LGR4: variants seen among roughly 807,000 people sequenced by gnomAD.
LGR4 encodes leucine-rich repeat-containing G protein-coupled receptor 4.
Under a neutral mutation model 84.8 loss-of-function variants are expected in LGR4, and 44 were observed. The observed-to-expected ratio is 0.52, with a 90% CI of 0.41 to 0.67. The LOEUF is 0.67. LGR4 is among the 30% of genes least tolerant of loss of function. LGR4 has a pLI of 0.00. For synonymous variants in LGR4, 429 were observed against 434.3 expected (o/e 0.99, Z 0.15); for missense variants, 1,032 against 1,131.4 (o/e 0.91, Z 1.26).
At position 27,383,330 on chromosome 11, in the gene LGR4, G is replaced by T. The variant is rs2448007; in HGVS notation, c.689+1006C>A. Among the ~76,000 whole-genome samples the T allele has an allele frequency of 2.0e-5, 3 of 151,968 alleles. No homozygotes were observed. The South Asian group carries it at 6.2e-4, about 31-fold the overall frequency. On this transcript the variant is annotated intron_variant, in intron 6 of 17. Transcript: ENST00000379214. ...CTTTTTGTAACAGAGAAGAAACAAT[G>T]GCAAATAAAAATTTAACTGGGAAGA...
At chr11:27,459,697 G>A (rs1259945312) in intron 1 of LGR4, among the ~76,000 whole-genome samples, 3 of 151,528 alleles carry the variant, frequency 2.0e-5, no homozygotes, top group Admixed American at 1.3e-4. Context: ...GGCTGGTCTC[G>A]AACTCCTGAC....
Position 27,391,074 on chromosome 11 carries a change from G to A in LGR4, c.401+20C>T, listed in dbSNP as rs768653889. On this transcript the variant is annotated intron_variant, in intron 4 of 17. Transcript: ENST00000379214. ...CCAGAGTAGTCTCTTGGTGAGTCAAGAAACCAAGAAGTTACTTACAAAGAC... is the reference window on the plus strand; with the variant it reads ...CCAGAGTAGTCTCTTGGTGAGTCAAAAAACCAAGAAGTTACTTACAAAGAC... 1.5e-5 allele frequency: 23 copies of A among 1,511,296 alleles called. No individual in the cohort carries two copies. In the South Asian group the frequency reaches 2.5e-4, roughly 16 times the overall value. 93.6% of individuals were successfully genotyped at this position (1,511,296 alleles called of 1,614,324 possible). A position where few individuals can be genotyped will look rare whatever the true frequency, so the allele number is the denominator to read the frequency against.
intron 16 of LGR4, 140 bp from the exon 17 acceptor site, chr11:27,371,838 T>C: frequency 6.3e-6 from 4 of 632,496 alleles, no homozygotes; most frequent in Non-Finnish European, 1.1e-5. Context: ...GCTGGTAGCA[T>C]AGTGAATGCC....
intron 2 of LGR4, among the ~76,000 whole-genome samples, chr11:27,410,182 A>G (rs12808206): frequency 6.6e-6 from 1 of 152,142 alleles, no homozygotes; most frequent in Non-Finnish European, 1.5e-5. Flanking sequence ...ACAACTCTAG[A>G]GGGTCTGTCA....
chr11:27,392,447 A>G lies in LGR4; in HGVS notation c.329T>C (p.Leu110Pro). Residue 110 changes from leucine (L) to proline (P), a missense_variant and splice_region_variant, in exon 3 of 18, where the codon CTA becomes CCA. Coordinates refer to ENST00000379214, the MANE Select transcript of LGR4 (RefSeq NM_018490.5). The part of the protein sequence containing the change: ...ALSGLKELKV[L>P]TLQNNQLKTV... ...GAAACTCTAAAATTGCATTACTTAC[A>G]GAACTTTGAGTTCTTTCAACCCAGA... 6.3e-7 allele frequency: 1 copy of G among 1,585,612 alleles called. No homozygotes were observed. Among genetic ancestry groups the G allele is most frequent in the Non-Finnish European group, 8.5e-7 (1 of 1,170,210 alleles).
rs1290512062 is a variant in LGR4 at position 27,472,134 on chromosome 11, C to A, written c.169G>T (p.Ala57Ser). Residue 57 changes from alanine to serine, a missense_variant, in exon 1 of 18, where the codon GCC (alanine) becomes TCC (serine). Transcript: ENST00000379214. ...GLTAVPEGLS[A>S]FTQALDISMN... ...CGCACTCACAGCGCTTGGGTGAAGGCGCTGAGCCCCTCGGGCACGGCCGTC... is the reference window on the plus strand; with the variant it reads ...CGCACTCACAGCGCTTGGGTGAAGGAGCTGAGCCCCTCGGGCACGGCCGTC... The A allele has an allele frequency of 7.9e-6, 10 of 1,265,158 alleles. No individual in the cohort carries two copies. Among genetic ancestry groups the A allele is most frequent in the Non-Finnish European group, 1.0e-5 (10 of 996,204 alleles). 78.4% of individuals were successfully genotyped at this position (1,265,158 alleles called of 1,614,324 possible). A position where few individuals can be genotyped will look rare whatever the true frequency, so the allele number is the denominator to read the frequency against.
intron 1 of LGR4, among the ~76,000 whole-genome samples, chr11:27,446,811 T>A (rs1050495987): frequency 3.3e-5 from 5 of 151,908 alleles, no homozygotes; most frequent in Non-Finnish European, 7.4e-5. Context: ...ATAGACTGGA[T>A]TAAGAAAATG....
At chr11:27,433,079 A>T (rs753399875) in intron 1 of LGR4, among the ~76,000 whole-genome samples, 12 of 152,262 alleles carry the variant, frequency 7.9e-5, no homozygotes, top group Non-Finnish European at 1.5e-4. Flanking sequence ...CCTGAAAATT[A>T]ATGTTTATAT....
At position 27,425,076 on chromosome 11, in the gene LGR4, T is replaced by C. The variant is rs538083973; in HGVS notation, c.186-12216A>G. 3.9e-5 allele frequency among the ~76,000 whole-genome samples: 6 copies of C among 152,294 alleles called. No homozygotes were observed. In the South Asian group the frequency reaches 6.2e-4, roughly 16 times the overall value. Reference sequence around the variant, plus strand: ...TATTAAGATTAGTAGCCATCCAGTATATCGATCCCCTCTGCTTAACTTTAT... The same window carrying C: ...TATTAAGATTAGTAGCCATCCAGTACATCGATCCCCTCTGCTTAACTTTAT... On this transcript the variant is annotated intron_variant, in intron 1 of 17. Transcript: ENST00000379214.
chr11:27,370,346 C>T (rs1862857430), intron 17 of LGR4, among the ~76,000 whole-genome samples: 1 of 152,198 alleles, frequency 6.6e-6, no homozygotes. Context: ...TCTCTGTTAT[C>T]TAAACTCATC....
intron 1 of LGR4, among the ~76,000 whole-genome samples, chr11:27,419,407 A>T (rs968742615): frequency 1.3e-5 from 2 of 151,866 alleles, no homozygotes; most frequent in Non-Finnish European, 2.9e-5. Context: ...ATAGCAGCTG[A>T]CAATACCAAG....
Position 27,368,929 on chromosome 11 carries a change from A to T in LGR4, c.1794T>A (p.Asp598Glu), listed in dbSNP as rs12291757. The change falls in exon 18 of 18, where the codon GAT (aspartate) becomes GAA (glutamate). Residue 598 changes from aspartate to glutamate, a missense_variant. Physicochemically the swap from Asp to Glu is conservative, Grantham distance 45 (BLOSUM62 2). Coordinates refer to ENST00000379214, the MANE Select transcript of LGR4 (RefSeq NM_018490.5). Reference sequence around the variant, plus strand: ...CAGCGAATCTGCCCCAGGACACAGCATCAAGAAAAGTTAGGATGCCAGTAT... The same window carrying T: ...CAGCGAATCTGCCCCAGGACACAGCTTCAAGAAAAGTTAGGATGCCAGTAT... The part of the protein sequence containing the change: ...GIYTGILTFL[D>E]AVSWGRFAEF... 1.9e-6 allele frequency: 3 copies of T among 1,614,154 alleles called. No homozygotes were observed. The highest frequency in any genetic ancestry group is 2.2e-5 in the South Asian group (2 of 91,076).
At chr11:27,418,127 T>A (rs4567411) in intron 1 of LGR4, among the ~76,000 whole-genome samples, 1 of 152,170 alleles carries the variant, frequency 6.6e-6, no homozygotes, top group Non-Finnish European at 1.5e-5. Context: ...AAGATGTTAT[T>A]ATCAATAGGT....
intron 1 of LGR4, among the ~76,000 whole-genome samples, chr11:27,458,146 G>T (rs1307092468): frequency 6.6e-6 from 1 of 152,016 alleles, no homozygotes; most frequent in Admixed American, 6.6e-5. Context: ...AAAAAGAAAA[G>T]AAAGTGAGTA....
intron 13 of LGR4, 139 bp downstream of exon 13, chr11:27,376,158 TAG>T (rs75222730): frequency 1.8e-6 from 1 of 544,332 alleles, no homozygotes; most frequent in Non-Finnish European, 3.3e-6. Context: ...TTGTATTTAG[TAG>T]AGATGGGGTT....
chr11:27,429,482 CAA>C (rs200459847), intron 1 of LGR4, among the ~76,000 whole-genome samples: 6 of 114,472 alleles, frequency 5.2e-5, no homozygotes, highest in Non-Finnish European at 1.9e-5. Flanking sequence ...GATTCCATCT[CAA>C]AAAAAAAAAA....
chr11:27,464,908 T>C (rs1864749969), intron 1 of LGR4, among the ~76,000 whole-genome samples: 1 of 152,070 alleles, frequency 6.6e-6, no homozygotes, highest in African/African-American at 2.4e-5. Flanking sequence ...AAAACCTGCA[T>C]TCTCCTAGTG....
At chr11:27,465,145 T>C (rs945494976) in intron 1 of LGR4, among the ~76,000 whole-genome samples, 1 of 152,238 alleles carries the variant, frequency 6.6e-6, no homozygotes, top group African/African-American at 2.4e-5. Context: ...CCTCCCAAAA[T>C]ATCTATGGTT....
In LGR4 at chr11:27,376,337, C is replaced by T. The variant is rs764916380; in HGVS notation, c.1143G>A (p.Lys381=). ...SLQRNQIYQI[K]EGTFQGLISL... The stretch of plus-strand genomic sequence containing the variant: ...ATATCAGGCCTTGAAAGGTGCCTTC[C>T]TTTATTTGGTAGATTTGATTACGCT... Residue 381 remains lysine, a synonymous_variant, in exon 13 of 18, where the codon AAG becomes AAA. Transcript: ENST00000379214. 1 of 1,579,700 alleles carries T rather than the reference C, an allele frequency of 6.3e-7. No homozygotes were observed. The highest frequency in any genetic ancestry group is 8.7e-7 in the Non-Finnish European group (1 of 1,154,414).
Sources: gnomAD v4.1 joint callset for allele counts (sites outside exome capture counted in the v4.1 genomes callset) on GRCh38, gnomAD v4.1.1 for gene constraint, MANE v1.5 for transcripts, NCBI Gene and HGNC (gene_info 2026-07-23, HGNC 2026-07-21) for gene names.